PDPR: variants seen among roughly 807,000 people sequenced by gnomAD.
PDPR encodes the protein pyruvate dehydrogenase phosphatase regulatory subunit.
PDPR carries 50 observed loss-of-function variants against 102.2 expected under a neutral mutation model. The observed-to-expected ratio is 0.49, with a 90% CI of 0.39 to 0.62. The LOEUF (loss-of-function observed/expected upper bound fraction) is 0.62. PDPR is among the 20% of genes least tolerant of loss of function. PDPR has a pLI of 0.00. For synonymous variants in PDPR, 259 were observed against 406.0 expected (o/e 0.64, Z 4.35); for missense variants, 625 against 1,098.2 (o/e 0.57, Z 6.09).
At chr16:70,152,241 C>T (rs62051029) in intron 17 of PDPR, among the ~76,000 whole-genome samples, 32,744 of 143,868 alleles carry the variant, frequency 0.23, 1,095 homozygotes, top group Non-Finnish European at 0.3. Flanking sequence ...GTTGTCTTCC[C>T]GGCACGGTGG....
chr16:70,156,806 AC>A lies in PDPR; in HGVS notation c.2570del (p.Pro857LeufsTer17). 6.2e-7 allele frequency: 1 copy of A among 1,614,066 alleles called. No homozygotes were observed. Among genetic ancestry groups the A allele is most frequent in the Non-Finnish European group, 8.5e-7 (1 of 1,179,902 alleles). The part of the protein sequence containing the change: ...GYRFQAKAKL[Y>X]PVASLFTQKR... ...CGCTTCCAGGCCAAGGCCAAGCTCT[AC>A]CCTGTCGCCTCCCTCTTCACCCAGA... On this transcript the variant is annotated frameshift_variant, in exon 19 of 19. Transcript: ENST00000288050. LOFTEE classifies it high-confidence loss of function.
chr16:70,125,620 CA>C (rs1963883851), intron 3 of PDPR, among the ~76,000 whole-genome samples: 1 of 150,926 alleles, frequency 6.6e-6, no homozygotes, highest in Admixed American at 6.6e-5. Context: ...AAAGACTCCC[CA>C]ATGTTCTTTC....
Position 70,153,490 on chromosome 16 carries a change from T to C in PDPR, c.2152T>C (p.Phe718Leu). ...YALRSLRIEK[F>L]FAFWGQDINN... ...TCTTCGCAGTCTCCGAATTGAGAAG[T>C]TTTTTGCCTTCTGGGGTCAGGATAT... Residue 718 changes from phenylalanine (F) to leucine (L), a missense_variant, in exon 18 of 19, where the codon TTT becomes CTT. Physicochemically the swap from Phe to Leu is conservative, Grantham distance 22. Coordinates refer to ENST00000288050, the MANE Select transcript of PDPR (RefSeq NM_017990.5). 6.2e-7 allele frequency: 1 copy of C among 1,613,268 alleles called. No individual in the cohort carries two copies. Among genetic ancestry groups the C allele is most frequent in the Non-Finnish European group, 8.5e-7 (1 of 1,179,648 alleles).
chr16:70,145,294 C>T (rs564516631), intron 15 of PDPR, among the ~76,000 whole-genome samples: 12 of 152,344 alleles, frequency 7.9e-5, no homozygotes, highest in African/African-American at 2.4e-4. Context: ...CCCGCCACCA[C>T]GCCGGGCTAA....
rs1336101814 is a variant in PDPR, at chr16:70,156,811, G to C, written c.2572G>C (p.Val858Leu). 1 of 1,613,958 alleles carries C rather than the reference G, an allele frequency of 6.2e-7. No individual in the cohort carries two copies. Among genetic ancestry groups the C allele is most frequent in the Non-Finnish European group, 8.5e-7 (1 of 1,179,914 alleles). The change falls in exon 19 of 19, where the codon GTC (valine) becomes CTC (leucine). Residue 858 changes from valine to leucine, a missense_variant. Physicochemically the swap from Val to Leu is conservative, Grantham distance 32. Transcript: ENST00000288050. ...CCAGGCCAAGGCCAAGCTCTACCCT[G>C]TCGCCTCCCTCTTCACCCAGAAGCG... Reference protein sequence around the residue: ...RFQAKAKLYPVASLFTQKRRK... With the variant: ...RFQAKAKLYPLASLFTQKRRK...
intron 9 of PDPR, among the ~76,000 whole-genome samples, chr16:70,135,205 CT>C (rs1280268162): frequency 1.3e-5 from 2 of 150,768 alleles, no homozygotes; most frequent in African/African-American, 4.9e-5. Flanking sequence ...GAAAGTCTGT[CT>C]TTTGCAGCTA....
chr16:70,135,149 G>A (rs1296303209), intron 9 of PDPR, among the ~76,000 whole-genome samples: 1 of 152,198 alleles, frequency 6.6e-6, no homozygotes, highest in Non-Finnish European at 1.5e-5. Flanking sequence ...TTTTTCTGCT[G>A]TCCACTGGAT....
intron 3 of PDPR, among the ~76,000 whole-genome samples, chr16:70,121,530 A>G (rs541465021): frequency 6.6e-6 from 1 of 152,156 alleles, no homozygotes; most frequent in Admixed American, 6.6e-5. Context: ...TGTCTCTGCT[A>G]AACATACAAA....
At chr16:70,153,680 G>A in intron 18 of PDPR, 107 bp downstream of exon 18, 1 of 1,224,646 alleles carries the variant, frequency 8.2e-7, no homozygotes, top group Admixed American at 2.8e-5. Context: ...AAAAGATTGA[G>A]GCCTTGATGT....
Position 70,162,402 on chromosome 16 carries a change from G to C in PDPR, c.*5523G>C, listed in dbSNP as rs1000316774. 2 of 152,526 alleles carry C rather than the reference G, an allele frequency of 1.3e-5. No homozygotes were observed. Among genetic ancestry groups the C allele is most frequent in the Non-Finnish European group, 2.9e-5 (2 of 68,196 alleles). 9.4% of individuals were successfully genotyped at this position (152,526 alleles called of 1,614,324 possible). On this transcript the variant is annotated 3_prime_UTR_variant, in exon 19 of 19. Coordinates refer to ENST00000288050, the MANE Select transcript of PDPR (RefSeq NM_017990.5). ...GATCCTGGGTGACTTTGGGTGCACA[G>C]GGTGACCGAGCATTTCTGCCCCTGT...
At chr16:70,127,072 C>A (rs1219693629) in intron 3 of PDPR, among the ~76,000 whole-genome samples, 188 bp from the exon 4 acceptor site, 4 of 152,224 alleles carry the variant, frequency 2.6e-5, no homozygotes, top group African/African-American at 4.8e-5. Flanking sequence ...GGTCGTAAAC[C>A]CCTGTCCTCA....
chr16:70,153,290 T>C, intron 17 of PDPR, 101 bp from the exon 18 acceptor site: 3 of 1,281,552 alleles, frequency 2.3e-6, no homozygotes, highest in Non-Finnish European at 3.2e-6. Flanking sequence ...ACGCCTCCTC[T>C]CTTGTCCATG....
At chr16:70,116,907 A>G (rs1386427254) in intron 2 of PDPR, among the ~76,000 whole-genome samples, 1 of 151,856 alleles carries the variant, frequency 6.6e-6, no homozygotes, top group Non-Finnish European at 1.5e-5. Context: ...CCACCTTTGC[A>G]ATTCCCTTTC....
chr16:70,162,811 G>T (rs1343760228), downstream of PDPR, among the ~76,000 whole-genome samples: 1 of 152,270 alleles, frequency 6.6e-6, no homozygotes, highest in Admixed American at 6.5e-5. Flanking sequence ...TGTTCCACAC[G>T]GGCACGTGTG....
At chr16:70,134,963 C>T (rs530845642) in intron 9 of PDPR, among the ~76,000 whole-genome samples, 2 of 152,276 alleles carry the variant, frequency 1.3e-5, no homozygotes, top group East Asian at 1.9e-4. Flanking sequence ...GTGGCTTACA[C>T]CTGTAATTCC....
chr16:70,150,655 G>T (rs1216792144), intron 17 of PDPR, among the ~76,000 whole-genome samples: 1 of 151,434 alleles, frequency 6.6e-6, no homozygotes, highest in Non-Finnish European at 1.5e-5. Context: ...CTACAAGCAT[G>T]TGCCAACATC....
chr16:70,115,154 C>T (rs1345645938), intron 2 of PDPR, among the ~76,000 whole-genome samples: 4 of 151,832 alleles, frequency 2.6e-5, no homozygotes, highest in Admixed American at 1.3e-4. Context: ...GACAGAGTTT[C>T]ACTCTGTCGC....
chr16:70,125,627 C>A (rs1267016313), intron 3 of PDPR, among the ~76,000 whole-genome samples: 2 of 145,878 alleles, frequency 1.4e-5, no homozygotes, highest in Non-Finnish European at 3.0e-5. Flanking sequence ...CCCCAATGTT[C>A]TTTCCTTTTC....
At chr16:70,149,020 G>A (rs925971948) in intron 17 of PDPR, among the ~76,000 whole-genome samples, 3 of 151,634 alleles carry the variant, frequency 2.0e-5, no homozygotes, top group Admixed American at 6.6e-5. Context: ...TCCGCCTCCC[G>A]AGTAGCTGGG....
Sources: allele counts gnomAD v4.1 joint callset (sites outside exome capture counted in the v4.1 genomes callset), GRCh38; gene constraint gnomAD v4.1.1; transcripts MANE v1.5; gene names NCBI Gene and HGNC (gene_info 2026-07-23, HGNC 2026-07-21).